ATP10D: variants seen among roughly 807,000 people sequenced by gnomAD.
ATP10D encodes ATPase phospholipid transporting 10D (putative).
In ATP10D, 89 loss-of-function variants were observed where a neutral mutation model predicts 144.8. That is an observed-to-expected ratio of 0.61 (90% CI 0.52 to 0.73). The LOEUF (loss-of-function observed/expected upper bound fraction) is 0.73, where lower values mean the gene tolerates loss of function less well. Ranked by LOEUF, ATP10D falls within the 30% of genes least tolerant of loss-of-function variation. The probability of loss-of-function intolerance (pLI) is 0.00; values close to 1 mark genes in which losing one functional copy is unlikely to be tolerated. For missense variants in ATP10D, 1,603 were observed against 1,714.8 expected (o/e 0.93, Z 1.15); for synonymous variants, 571 against 615.1 (o/e 0.93, Z 1.06).
intron 5 of ATP10D, among the ~76,000 whole-genome samples, chr4:47,531,074 T>C (rs374645964): frequency 4.3e-5 from 6 of 139,586 alleles, no homozygotes; most frequent in Non-Finnish European, 9.4e-5. Context: ...TTCCGTAAGA[T>C]GGGTATCAGC....
intron 1 of ATP10D, among the ~76,000 whole-genome samples, chr4:47,510,821 T>C (rs1716285409): frequency 6.6e-6 from 1 of 152,232 alleles, no homozygotes. Context: ...TCTTATGTCT[T>C]AGTAAGAATT....
intron 14 of ATP10D, among the ~76,000 whole-genome samples, chr4:47,561,857 GGAGA>G (rs1719334824): frequency 6.6e-6 from 1 of 152,282 alleles, no homozygotes; most frequent in Admixed American, 6.5e-5. Context: ...CTTAGAGTCT[GGAGA>G]TCTAGATTCT....
intron 4 of ATP10D, among the ~76,000 whole-genome samples, chr4:47,524,100 G>A (rs1047326835): frequency 3.3e-5 from 5 of 152,060 alleles, no homozygotes; most frequent in Non-Finnish European, 5.9e-5. Flanking sequence ...CTAATTTTTT[G>A]TATTTTTAGT....
At chr4:47,546,915 G>A (rs778172499) in intron 10 of ATP10D, 53 bp downstream of exon 10, 33 of 1,508,020 alleles carry the variant, frequency 2.2e-5, no homozygotes, top group Admixed American at 8.4e-5. Flanking sequence ...TATGATGAGA[G>A]AACAGCCTTG....
At chr4:47,548,763 C>T (rs1338432351) in intron 10 of ATP10D, among the ~76,000 whole-genome samples, 1 of 152,170 alleles carries the variant, frequency 6.6e-6, no homozygotes, top group Non-Finnish European at 1.5e-5. Context: ...AGGTTATGGT[C>T]TTCCTCAATG....
At chr4:47,562,669 A>G (rs1719377976) in intron 14 of ATP10D, among the ~76,000 whole-genome samples, 1 of 152,226 alleles carries the variant, frequency 6.6e-6, no homozygotes, top group Non-Finnish European at 1.5e-5. Flanking sequence ...TTACCGTTCA[A>G]TCCAACAATC....
At chr4:47,576,708 G>A (rs2109469894) in intron 18 of ATP10D, 65 bp from the exon 19 acceptor site, 1 of 1,484,428 alleles carries the variant, frequency 6.7e-7, no homozygotes, top group Non-Finnish European at 9.4e-7. Context: ...GGCAGCATTT[G>A]GAATGTGTAA....
chr4:47,591,619 T>C lies in ATP10D; in HGVS notation c.*238T>C. 6.3e-6 allele frequency: 2 copies of C among 315,176 alleles called. No homozygotes were observed. The highest frequency in any genetic ancestry group is 1.1e-5 in the Non-Finnish European group (2 of 174,040). The allele number at this position is 315,176 out of a possible 1,614,324, so 19.5% of individuals were successfully genotyped here. On this transcript the variant is annotated 3_prime_UTR_variant, in exon 23 of 23. Coordinates refer to ENST00000273859, the MANE Select transcript of ATP10D (RefSeq NM_020453.4). Reference sequence around the variant, plus strand: ...AATATTTAATTCAGAACCAAATGCTTTTGTAAAACTTTTTGGATTTTGTAA... The same window carrying C: ...AATATTTAATTCAGAACCAAATGCTCTTGTAAAACTTTTTGGATTTTGTAA...
chr4:47,498,227 G>A (rs1331960886), intron 1 of ATP10D, among the ~76,000 whole-genome samples: 2 of 152,226 alleles, frequency 1.3e-5, no homozygotes, highest in Admixed American at 6.5e-5. Context: ...TTGGACAAAT[G>A]TGATGGCTTC....
intron 3 of ATP10D, among the ~76,000 whole-genome samples, chr4:47,521,631 CTCTCCATTTCCTA>C: frequency 6.6e-6 from 1 of 152,180 alleles, no homozygotes; most frequent in South Asian, 2.1e-4. Context: ...CCTTTAGTTA[CTCTCCATTTCCTA>C]TGGAATGAAA....
rs1397891629 is a variant in ATP10D at position 47,528,499 on chromosome 4, GTGTGTGTGTGTGTGTA to G, written c.776+2859_776+2874del. Among the ~76,000 whole-genome samples, 58 of 59,546 alleles carry G rather than the reference GTGTGTGTGTGTGTGTA, an allele frequency of 9.7e-4. 1 individual carries two copies. Among genetic ancestry groups the G allele is most frequent in the African/African-American group, 3.8e-3 (53 of 14,016 alleles). 39.1% of individuals were successfully genotyped at this position (59,546 alleles called of 152,430 possible). A position where few individuals can be genotyped will look rare whatever the true frequency, so the allele number is the denominator to read the frequency against. ...TGTGTGTGTGTGTGTGTGTGTGTGTGTGTGTGTGTGTGTGTATATATATATATATACACACCACATT... is the reference window on the plus strand; with the variant it reads ...TGTGTGTGTGTGTGTGTGTGTGTGTGTATATATATATATACACACCACATT... On this transcript the variant is annotated intron_variant, in intron 5 of 22. Transcript: ENST00000273859.
intron 10 of ATP10D, among the ~76,000 whole-genome samples, chr4:47,553,762 A>G (rs1269653961): frequency 6.6e-6 from 1 of 152,226 alleles, no homozygotes; most frequent in Non-Finnish European, 1.5e-5. Flanking sequence ...AACTCTCACC[A>G]AACTTTTAAG....
chr4:47,512,091 T>C (rs965837108), intron 1 of ATP10D, among the ~76,000 whole-genome samples: 7 of 152,262 alleles, frequency 4.6e-5, no homozygotes, highest in African/African-American at 1.7e-4. Flanking sequence ...GTTTTTTTGA[T>C]GTCCTATGAT....
chr4:47,591,189 T>C lies in ATP10D; in HGVS notation c.4089T>C (p.Tyr1363=). 1 of 1,613,614 alleles carries C rather than the reference T, an allele frequency of 6.2e-7. No homozygotes were observed. The highest frequency in any genetic ancestry group is 8.5e-7 in the Non-Finnish European group (1 of 1,179,632). The change falls in exon 23 of 23, where the codon TAT becomes TAC. Residue 1363 remains tyrosine (Y), a synonymous_variant. Coordinates refer to ENST00000273859, the MANE Select transcript of ATP10D (RefSeq NM_020453.4). ...AGATGAATCAAGTGACATCAAAGTATGCTAACCAATCAGCTGGCAAGTCAG... is the reference window on the plus strand; with the variant it reads ...AGATGAATCAAGTGACATCAAAGTACGCTAACCAATCAGCTGGCAAGTCAG... The part of the protein sequence containing the change: ...AGKMNQVTSK[Y]ANQSAGKSGR...
chr4:47,553,157 C>A (rs1400722508), intron 10 of ATP10D, among the ~76,000 whole-genome samples: 1 of 152,154 alleles, frequency 6.6e-6, no homozygotes, highest in Non-Finnish European at 1.5e-5. Context: ...AAAAGTCTCT[C>A]CAACTTTACC....
At chr4:47,526,819 C>T (rs528680984) in intron 5 of ATP10D, among the ~76,000 whole-genome samples, 1 of 152,028 alleles carries the variant, frequency 6.6e-6, no homozygotes, top group Non-Finnish European at 1.5e-5. Context: ...TGTGAGCTAC[C>T]TGTACACTGG....
intron 1 of ATP10D, among the ~76,000 whole-genome samples, chr4:47,497,728 T>C (rs140995264): frequency 4.7e-4 from 71 of 152,352 alleles, no homozygotes; most frequent in African/African-American, 1.7e-3. Context: ...TATCTATATA[T>C]GCATGAATAA....
In ATP10D at chr4:47,559,004, T is replaced by A. The variant is rs1560444953; in HGVS notation, c.2516T>A (p.Leu839His). 3.1e-6 allele frequency: 5 copies of A among 1,614,074 alleles called. No individual in the cohort carries two copies. The highest frequency in any genetic ancestry group is 3.4e-6 in the Non-Finnish European group (4 of 1,179,942). The change falls in exon 13 of 23, where the codon CTT (leucine) becomes CAT (histidine). Residue 839 changes from leucine (L) to histidine (H), a missense_variant. By Grantham distance (99) the Leu-to-His change is moderately conservative. Transcript: ENST00000273859. ...TTGGATGACTATGCCAAACAAGGCC[T>A]TCGTACTTTATGTATAGCAAAGAAG... ...KHLDDYAKQG[L>H]RTLCIAKKVM...
chr4:47,556,836 G>T (rs566857111), intron 11 of ATP10D: 2 of 152,144 alleles, frequency 1.3e-5, no homozygotes, highest in Non-Finnish European at 2.9e-5. Flanking sequence ...TCTCAGTTTA[G>T]TCACTGATAA....
Sources: gnomAD v4.1 joint callset for allele counts (sites outside exome capture counted in the v4.1 genomes callset) on GRCh38, gnomAD v4.1.1 for gene constraint, MANE v1.5 for transcripts, NCBI Gene and HGNC (gene_info 2026-07-23, HGNC 2026-07-21) for gene names.